Variants in RBPMS observed in about 807,000 individuals in gnomAD.
RBPMS encodes RNA binding protein, mRNA processing factor, also known as RNA-binding protein with multiple splicing.
Under a neutral mutation model 26.8 loss-of-function variants are expected in RBPMS, and 7 were observed. The ratio of observed to expected loss-of-function variants is 0.26; its 90% CI spans 0.15 to 0.49. The LOEUF is 0.49. RBPMS is among the 20% of genes least tolerant of loss of function. RBPMS has a pLI of 0.98. For missense variants in RBPMS, 186 were observed against 250.0 expected, an observed-to-expected ratio of 0.74 and a Z score of 1.73; for synonymous variants, 96 against 93.3, an observed-to-expected ratio of 1.03 and a Z score of -0.17.
At chr8:30,448,955 C>G (rs1429763485) in intron 1 of RBPMS, among the ~76,000 whole-genome samples, 1 of 152,204 alleles carries the variant, frequency 6.6e-6, no homozygotes. Flanking sequence ...AACTGCTGTC[C>G]TGGCTAGCTT....
At chr8:30,444,863 T>TGAGTG (rs1813550042) in intron 1 of RBPMS, 1 of 152,240 alleles carries the variant, frequency 6.6e-6, no homozygotes, top group Non-Finnish European at 1.5e-5. Context: ...TTGACTTGCC[T>TGAGTG]CTACTCTTAA....
At chr8:30,543,161 C>G (rs879367711) in intron 5 of RBPMS, among the ~76,000 whole-genome samples, 1 of 152,088 alleles carries the variant, frequency 6.6e-6, no homozygotes, top group African/African-American at 2.4e-5. Context: ...TACAAACTGC[C>G]CTCTGAACGT....
chr8:30,556,554 C>T lies in RBPMS; in HGVS notation c.529-2333C>T, dbSNP rs751852862. 41 of 986,714 alleles carry T rather than the reference C, an allele frequency of 4.2e-5. No individual in the cohort carries two copies. The East Asian group carries it at 9.0e-4, about 22-fold the overall frequency. 61.1% of individuals were successfully genotyped at this position (986,714 alleles called of 1,614,324 possible). On this transcript the variant is annotated intron_variant, in intron 6 of 8. Transcript: ENST00000397323. ...AAACACCGTCACGTCTTGGCCTCGT[C>T]GGGGCTCAGCGCCCCAACCCACACC...
chr8:30,454,138 C>T (rs1033790056), intron 1 of RBPMS, among the ~76,000 whole-genome samples: 16 of 152,120 alleles, frequency 1.1e-4, no homozygotes, highest in Non-Finnish European at 2.1e-4. Flanking sequence ...TACTTTACCC[C>T]AGCAGCAGTA....
chr8:30,557,717 G>A (rs1258186519), intron 6 of RBPMS, among the ~76,000 whole-genome samples: 1 of 152,204 alleles, frequency 6.6e-6, no homozygotes, highest in Non-Finnish European at 1.5e-5. Flanking sequence ...AGCACTTCTG[G>A]GCTGCTCATG....
At chr8:30,493,970 G>C (rs546996412) in intron 4 of RBPMS, among the ~76,000 whole-genome samples, 1 of 152,298 alleles carries the variant, frequency 6.6e-6, no homozygotes, top group African/African-American at 2.4e-5. Context: ...GTAAGTGTGT[G>C]TTGTAGAAAA....
rs534392675 is a variant in RBPMS at position 30,415,535 on chromosome 8, A to G, written c.66+30377A>G. On this transcript the variant is annotated intron_variant, in intron 1 of 8. Transcript: ENST00000397323. ...ATACCGAGCTTCATTCACTTCTGAT[A>G]ATGCATCATCTCTTTCATCTATCCA... Among the ~76,000 whole-genome samples the G allele has an allele frequency of 2.0e-5, 3 of 152,328 alleles. No homozygotes were observed. In the East Asian group the frequency reaches 5.8e-4, roughly 29 times the overall value.
chr8:30,550,994 T>C (rs80265481), intron 6 of RBPMS, among the ~76,000 whole-genome samples: 2,063 of 152,346 alleles, frequency 0.014, 54 homozygotes, highest in African/African-American at 0.046. Flanking sequence ...CTGGACTTTC[T>C]GGCACTTTCT....
intron 1 of RBPMS, among the ~76,000 whole-genome samples, chr8:30,451,370 G>C (rs10090622): frequency 0.25 from 37,589 of 152,106 alleles, 5,012 homozygotes; most frequent in East Asian, 0.42. Flanking sequence ...CATAGTGTCT[G>C]TACTCATGGG....
chr8:30,527,655 A>G (rs942184019), intron 5 of RBPMS, among the ~76,000 whole-genome samples: 1 of 152,124 alleles, frequency 6.6e-6, no homozygotes, highest in Non-Finnish European at 1.5e-5. Context: ...CAGCCCCAGC[A>G]TCCTGTGCTG....
At chr8:30,455,295 A>C (rs1047234742) in intron 1 of RBPMS, among the ~76,000 whole-genome samples, 1 of 152,130 alleles carries the variant, frequency 6.6e-6, no homozygotes, top group Non-Finnish European at 1.5e-5. Flanking sequence ...TCCAATGCAA[A>C]AGGAAACTTA....
rs569887428 is a variant in RBPMS, at chr8:30,520,109, G to T, written c.397+15673G>T. Among the ~76,000 whole-genome samples the T allele has an allele frequency of 1.6e-4, 24 of 152,250 alleles. No individual in the cohort carries two copies. The South Asian group carries it at 5.0e-3, about 32-fold the overall frequency. On this transcript the variant is annotated intron_variant, in intron 5 of 8. Transcript: ENST00000397323. ...GGGTTTGTGGATTCAAGCCTACATT[G>T]TAAGGTCCCTATCACCTTCATTTTA...
intron 1 of RBPMS, among the ~76,000 whole-genome samples, chr8:30,419,450 A>ATTTGTGTGTG (rs1554509328): frequency 7.0e-6 from 1 of 143,176 alleles, no homozygotes; most frequent in Non-Finnish European, 1.5e-5. Context: ...CATCTCAAAA[A>ATTTGTGTGTG]TGTGTGTGTG....
At chr8:30,529,720 A>T (rs1585778272) in intron 5 of RBPMS, among the ~76,000 whole-genome samples, 3 of 149,514 alleles carry the variant, frequency 2.0e-5, no homozygotes. Context: ...ATCAAGGTTC[A>T]TCCATGTTGT....
intron 7 of RBPMS, 132 bp from the exon 8 acceptor site, chr8:30,566,125 A>G (rs572257417): frequency 4.2e-6 from 1 of 235,818 alleles, no homozygotes; most frequent in Admixed American, 6.5e-5. Context: ...GCTCAGCAGC[A>G]GAGGCCTTTG....
chr8:30,511,486 A>AAT (rs869100800), intron 5 of RBPMS, among the ~76,000 whole-genome samples: 6 of 23,548 alleles, frequency 2.5e-4, no homozygotes, highest in Admixed American at 8.8e-4. Flanking sequence ...AAAAAAAAAA[A>AAT]ATATATATAT....
At chr8:30,547,132 G>A (rs1472890411) in intron 6 of RBPMS, among the ~76,000 whole-genome samples, 2 of 152,242 alleles carry the variant, frequency 1.3e-5, no homozygotes, top group Non-Finnish European at 2.9e-5. Flanking sequence ...GTAACTGGAG[G>A]CAGAGCAGAC....
At chr8:30,469,246 C>T (rs772753458) in intron 1 of RBPMS, among the ~76,000 whole-genome samples, 2 of 152,224 alleles carry the variant, frequency 1.3e-5, no homozygotes, top group South Asian at 2.1e-4. Flanking sequence ...TGCTTTTGGC[C>T]TTTCTCTCCA....
intron 6 of RBPMS, among the ~76,000 whole-genome samples, chr8:30,550,363 A>G (rs536400250): frequency 1.3e-5 from 2 of 152,346 alleles, no homozygotes; most frequent in Admixed American, 6.5e-5. Flanking sequence ...AAAAGGGCCA[A>G]TAATCCTTCA....
Sources: gnomAD v4.1 joint callset for allele counts (sites outside exome capture counted in the v4.1 genomes callset) on GRCh38, gnomAD v4.1.1 for gene constraint, MANE v1.5 for transcripts, NCBI Gene and HGNC (gene_info 2026-07-23, HGNC 2026-07-21) for gene names.